CIPC: variants seen among roughly 807,000 people sequenced by gnomAD.
CIPC encodes CLOCK-interacting pacemaker.
Under a neutral mutation model 26.7 loss-of-function variants are expected in CIPC, and 12 were observed. That is an observed-to-expected ratio of 0.45 (90% CI 0.29 to 0.73). The LOEUF (loss-of-function observed/expected upper bound fraction) is 0.73. Ranked by LOEUF, CIPC falls within the 30% of genes least tolerant of loss-of-function variation. The pLI, the probability that CIPC is intolerant of heterozygous loss-of-function variation, is 0.12. For missense variants in CIPC, 417 were observed against 486.5 expected (o/e 0.86, Z 1.34); for synonymous variants, 170 against 189.8 (o/e 0.90, Z 0.86).
chr14:77,107,627 TACACACACAC>T lies in CIPC; in HGVS notation c.136+1806_136+1815del, dbSNP rs35968918. Among the ~76,000 whole-genome samples the T allele has an allele frequency of 1.1e-4, 16 of 150,472 alleles. No homozygotes were observed. The East Asian group carries it at 1.2e-3, about 11-fold the overall frequency. The stretch of plus-strand genomic sequence containing the variant: ...TATGCTTTCTCTCTCTCGCTCTCTT[TACACACACAC>T]ACACACACACACACACACACACTCT... On this transcript the variant is annotated intron_variant, in intron 2 of 3. Coordinates refer to ENST00000361786, the MANE Select transcript of CIPC (RefSeq NM_033426.3).
chr14:77,109,736 C>T (rs1265921529), intron 2 of CIPC, 76 bp from the exon 3 acceptor site: 51 of 1,366,524 alleles, frequency 3.7e-5, no homozygotes, highest in Non-Finnish European at 5.0e-5. Flanking sequence ...TTCAAGAGGT[C>T]TGTAGCTCCT....
intron 1 of CIPC, chr14:77,099,022 A>G (rs531573143): frequency 1.3e-5 from 2 of 152,696 alleles, no homozygotes; most frequent in South Asian, 2.1e-4. Context: ...GCTCCCTGTT[A>G]TTGCTCAAGT....
rs1465403874 is a variant in CIPC at position 77,113,421 on chromosome 14, T to G, written c.307-4T>G. ...AGTGTGCTGCTCTCCTCCTTTGTCTTCAGGGCAGCAGCTCATCCCAGCTCC... is the reference window on the plus strand; with the variant it reads ...AGTGTGCTGCTCTCCTCCTTTGTCTGCAGGGCAGCAGCTCATCCCAGCTCC... On this transcript the variant is annotated splice_polypyrimidine_tract_variant and splice_region_variant and intron_variant, in intron 3 of 3. Coordinates refer to ENST00000361786, the MANE Select transcript of CIPC (RefSeq NM_033426.3). 2.5e-6 allele frequency: 4 copies of G among 1,613,894 alleles called. No individual in the cohort carries two copies. Among genetic ancestry groups the G allele is most frequent in the Non-Finnish European group, 2.5e-6 (3 of 1,180,032 alleles).
At chr14:77,105,215 A>AGGAAAGCAAGCCTT (rs1886568431) in intron 1 of CIPC, among the ~76,000 whole-genome samples, 1 of 152,190 alleles carries the variant, frequency 6.6e-6, no homozygotes, top group Non-Finnish European at 1.5e-5. Flanking sequence ...AATGTACACG[A>AGGAAAGCAAGCCTT]GGAAAGCAAG....
rs537398371 is a variant in CIPC at position 77,115,003 on chromosome 14, G to C, written c.*685G>C. 1 of 152,298 alleles carries C rather than the reference G, an allele frequency of 6.6e-6. No individual in the cohort carries two copies. Among genetic ancestry groups the C allele is most frequent in the South Asian group, 2.1e-4 (1 of 4,824 alleles). The allele number at this position is 152,298 out of a possible 1,614,324, so 9.4% of individuals were successfully genotyped here. A position where few individuals can be genotyped will look rare whatever the true frequency, so the allele number is the denominator to read the frequency against. On this transcript the variant is annotated 3_prime_UTR_variant, in exon 4 of 4. Coordinates refer to ENST00000361786, the MANE Select transcript of CIPC (RefSeq NM_033426.3). Reference sequence around the variant, plus strand: ...AAAAACAGTACTTCCAAATTTTAAGGTATGGAATGAATGCAGTACATCTGG... The same window carrying C: ...AAAAACAGTACTTCCAAATTTTAAGCTATGGAATGAATGCAGTACATCTGG...
At chr14:77,107,158 TTA>T (rs1220747066) in intron 2 of CIPC, among the ~76,000 whole-genome samples, 2 of 152,348 alleles carry the variant, frequency 1.3e-5, no homozygotes, top group East Asian at 3.9e-4. Context: ...TGCTTTTTGT[TTA>T]TGTTTCATTT....
At position 77,116,151 on chromosome 14, in the gene CIPC, C is replaced by T. The variant is rs1332452445; in HGVS notation, c.*1833C>T. 2.0e-5 allele frequency: 3 copies of T among 152,208 alleles called. No homozygotes were observed. Among genetic ancestry groups the T allele is most frequent in the Non-Finnish European group, 4.4e-5 (3 of 68,040 alleles). The allele number at this position is 152,208 out of a possible 1,614,324, so 9.4% of individuals were successfully genotyped here. A position where few individuals can be genotyped will look rare whatever the true frequency, so the allele number is the denominator to read the frequency against. On this transcript the variant is annotated 3_prime_UTR_variant, in exon 4 of 4. Coordinates refer to ENST00000361786, the MANE Select transcript of CIPC (RefSeq NM_033426.3). ...TAGATATGACTGATGTAGAAGTGAA[C>T]AACTTGGTAACATCCCTAGACTCCA...
At chr14:77,101,022 A>G (rs1430977976) in intron 1 of CIPC, among the ~76,000 whole-genome samples, 3 of 152,244 alleles carry the variant, frequency 2.0e-5, no homozygotes, top group Non-Finnish European at 2.9e-5. Flanking sequence ...AATAAGGTAC[A>G]TGTGTTTGTA....
chr14:77,100,410 T>C (rs1886457656), intron 1 of CIPC, among the ~76,000 whole-genome samples: 1 of 151,710 alleles, frequency 6.6e-6, no homozygotes, highest in Non-Finnish European at 1.5e-5. Flanking sequence ...CCCAGCTAAT[T>C]TTTGTGTTTT....
At chr14:77,098,627 G>A (rs568556000) in intron 1 of CIPC, 2 of 152,842 alleles carry the variant, frequency 1.3e-5, no homozygotes, top group East Asian at 1.9e-4. Flanking sequence ...AGGGGCAGGT[G>A]GGCCCTGGTC....
rs1160157357 is a variant in CIPC, at chr14:77,113,412, C to T, written c.307-13C>T. The T allele has an allele frequency of 6.2e-7, 1 of 1,613,854 alleles. No homozygotes were observed. The highest frequency in any genetic ancestry group is 1.7e-5 in the Admixed American group (1 of 60,022). On this transcript the variant is annotated splice_polypyrimidine_tract_variant and intron_variant, in intron 3 of 3. Transcript: ENST00000361786. ...GTAATGAGTAGTGTGCTGCTCTCCTCCTTTGTCTTCAGGGCAGCAGCTCAT... is the reference window on the plus strand; with the variant it reads ...GTAATGAGTAGTGTGCTGCTCTCCTTCTTTGTCTTCAGGGCAGCAGCTCAT...
intron 1 of CIPC, among the ~76,000 whole-genome samples, chr14:77,100,483 C>T (rs1886459490): frequency 6.6e-6 from 1 of 151,658 alleles, no homozygotes; most frequent in Non-Finnish European, 1.5e-5. Context: ...CTCAGGTGAT[C>T]TGCCCGCCTG....
chr14:77,109,878 G>C lies in CIPC; in HGVS notation c.203G>C (p.Gly68Ala), dbSNP rs1886660539. The stretch of plus-strand genomic sequence containing the variant: ...TCCGAGGACATGCTGAGCGCCTTAG[G>C]CTGGAGCAGAGAAGACAGGCCGAGG... ...MESEDMLSAL[G>A]WSREDRPRQN... is the part of the protein sequence containing the mutation. The change falls in exon 3 of 4, where the codon GGC (glycine) becomes GCC (alanine). Residue 68 changes from glycine (G) to alanine (A), a missense_variant. Transcript: ENST00000361786. The C allele has an allele frequency of 6.2e-7, 1 of 1,614,078 alleles. No individual in the cohort carries two copies. The highest frequency in any genetic ancestry group is 1.1e-5 in the South Asian group (1 of 91,090).
chr14:77,106,447 C>T (rs1382438893), intron 2 of CIPC, among the ~76,000 whole-genome samples: 1 of 152,134 alleles, frequency 6.6e-6, no homozygotes, highest in Admixed American at 6.5e-5. Flanking sequence ...TTTCTTAAAC[C>T]TTACCCAAAA....
At chr14:77,101,745 G>T (rs1886489207) in intron 1 of CIPC, among the ~76,000 whole-genome samples, 1 of 152,148 alleles carries the variant, frequency 6.6e-6, no homozygotes, top group African/African-American at 2.4e-5. Context: ...TTTATGGTTA[G>T]GTTTGATGAA....
chr14:77,107,189 G>T (rs548673008), intron 2 of CIPC, among the ~76,000 whole-genome samples: 1 of 152,246 alleles, frequency 6.6e-6, no homozygotes, highest in African/African-American at 2.4e-5. Flanking sequence ...CGTGCTCATT[G>T]TAAAAGCTTG....
At position 77,113,433 on chromosome 14, in the gene CIPC, C is replaced by T. The variant is rs753906785; in HGVS notation, c.315C>T (p.Ser105=). 3.1e-6 allele frequency: 5 copies of T among 1,614,004 alleles called. No homozygotes were observed. Among genetic ancestry groups the T allele is most frequent in the Admixed American group, 1.7e-5 (1 of 59,996 alleles). ...MKNVLVKQGS[S]SSQLQSWTVQ... ...TCCTCCTTTGTCTTCAGGGCAGCAGCTCATCCCAGCTCCAGTCGTGGACTG... is the reference window on the plus strand; with the variant it reads ...TCCTCCTTTGTCTTCAGGGCAGCAGTTCATCCCAGCTCCAGTCGTGGACTG... The change falls in exon 4 of 4, where the codon AGC becomes AGT. Residue 105 remains serine (S), a synonymous_variant. Transcript: ENST00000361786.
In CIPC at chr14:77,114,662, CAAG is replaced by C. The variant is rs1886774719; in HGVS notation, c.*345_*347del. Reference sequence around the variant, plus strand: ...CATCATCCCACTCTCTCACCAGGATCAAGGGTACAGTAACACGAATGAGCATAC... The same window carrying C: ...CATCATCCCACTCTCTCACCAGGATCGGTACAGTAACACGAATGAGCATAC... On this transcript the variant is annotated 3_prime_UTR_variant, in exon 4 of 4. Transcript: ENST00000361786. The C allele has an allele frequency of 4.1e-6, 1 of 242,292 alleles. No individual in the cohort carries two copies. Among genetic ancestry groups the C allele is most frequent in the African/African-American group, 2.2e-5 (1 of 45,044 alleles). The allele number at this position is 242,292 out of a possible 1,614,324, so 15.0% of individuals were successfully genotyped here. A position where few individuals can be genotyped will look rare whatever the true frequency, so the allele number is the denominator to read the frequency against.
chr14:77,111,022 A>G (rs1886688314), intron 3 of CIPC, among the ~76,000 whole-genome samples: 1 of 152,222 alleles, frequency 6.6e-6, no homozygotes. Context: ...TCTCAGCTGG[A>G]AGCATGGCTC....
Sources: allele counts gnomAD v4.1 joint callset (sites outside exome capture counted in the v4.1 genomes callset), GRCh38; gene constraint gnomAD v4.1.1; transcripts MANE v1.5; gene names NCBI Gene and HGNC (gene_info 2026-07-23, HGNC 2026-07-21).